PIAS1: variants seen among roughly 807,000 people sequenced by gnomAD.
The protein encoded by PIAS1 is E3 SUMO-protein ligase PIAS1.
A neutral mutation model predicts 71.3 loss-of-function variants in PIAS1; 6 were observed. The observed-to-expected ratio is 0.08, with a 90% CI of 0.05 to 0.17. The LOEUF (loss-of-function observed/expected upper bound fraction) is 0.17, where lower values mean the gene tolerates loss of function less well. Ranked by LOEUF, PIAS1 falls within the 10% of genes least tolerant of loss-of-function variation. The probability of loss-of-function intolerance (pLI) is 1.00; values close to 1 mark genes in which losing one functional copy is unlikely to be tolerated. For missense variants in PIAS1, 555 were observed against 793.6 expected (o/e 0.70, Z 3.61); for synonymous variants, 303 against 292.9 (o/e 1.03, Z -0.35).
At chr15:68,132,746 G>A (rs1174647625) in intron 2 of PIAS1, among the ~76,000 whole-genome samples, 3 of 152,074 alleles carry the variant, frequency 2.0e-5, no homozygotes, top group Admixed American at 6.6e-5. Flanking sequence ...AACAAAAACC[G>A]AAATTATGTA....
chr15:68,068,913 T>TTTTTG (rs2092060970), intron 1 of PIAS1, among the ~76,000 whole-genome samples: 1 of 92,372 alleles, frequency 1.1e-5, no homozygotes, highest in Non-Finnish European at 2.3e-5. Flanking sequence ...TTTTTTTTTT[T>TTTTTG]GAGGTGGAGT....
At chr15:68,099,224 A>G (rs1051587518) in intron 2 of PIAS1, among the ~76,000 whole-genome samples, 2 of 148,126 alleles carry the variant, frequency 1.4e-5, no homozygotes, top group African/African-American at 4.9e-5. Context: ...TACTCTCGTC[A>G]CTCAGGCTGG....
chr15:68,059,000 CTTTTTTT>C (rs35348345), intron 1 of PIAS1, among the ~76,000 whole-genome samples: 2 of 84,920 alleles, frequency 2.4e-5, no homozygotes, highest in South Asian at 4.2e-4. Context: ...GATTATTCTA[CTTTTTTT>C]TTTTTTTTTT....
At chr15:68,060,863 T>C (rs965681894) in intron 1 of PIAS1, among the ~76,000 whole-genome samples, 1 of 152,224 alleles carries the variant, frequency 6.6e-6, no homozygotes, top group Admixed American at 6.5e-5. Flanking sequence ...TTTGTATTTT[T>C]AGTAGAGACA....
chr15:68,158,441 C>G (rs550167873), intron 7 of PIAS1, among the ~76,000 whole-genome samples: 2 of 152,248 alleles, frequency 1.3e-5, no homozygotes, highest in South Asian at 2.1e-4. Flanking sequence ...CCCAGAACCC[C>G]CAAAATTGAT....
chr15:68,055,138 C>G lies in PIAS1; in HGVS notation c.24+788C>G, dbSNP rs568938169. The G allele has an allele frequency of 3.0e-3, 2,778 of 931,842 alleles. 6 individuals carry two copies. The highest frequency in any genetic ancestry group is 3.3e-3 in the Non-Finnish European group (2,564 of 781,080). 57.7% of individuals were successfully genotyped at this position (931,842 alleles called of 1,614,324 possible). A position where few individuals can be genotyped will look rare whatever the true frequency, so the allele number is the denominator to read the frequency against. ...TTGGGAGGGGGGGATGCAGCTACCTCTCTCCCTTCTTTTGCCTTAGCTGGT... is the reference window on the plus strand; with the variant it reads ...TTGGGAGGGGGGGATGCAGCTACCTGTCTCCCTTCTTTTGCCTTAGCTGGT... On this transcript the variant is annotated intron_variant, in intron 1 of 13. Coordinates refer to ENST00000249636, the MANE Select transcript of PIAS1 (RefSeq NM_016166.3).
intron 12 of PIAS1, among the ~76,000 whole-genome samples, chr15:68,182,911 G>A (rs78896617): frequency 0.029 from 4,429 of 152,206 alleles, 242 homozygotes; most frequent in African/African-American, 0.1. Context: ...CTATAGCTGC[G>A]TGTTTTACCT....
intron 1 of PIAS1, among the ~76,000 whole-genome samples, chr15:68,072,439 A>C (rs1438710778): frequency 6.8e-6 from 1 of 147,484 alleles, no homozygotes; most frequent in Non-Finnish European, 1.5e-5. Flanking sequence ...GAGTTATGGG[A>C]AGTTGGGGCC....
At chr15:68,105,180 A>G (rs995172882) in intron 2 of PIAS1, among the ~76,000 whole-genome samples, 21 of 152,308 alleles carry the variant, frequency 1.4e-4, no homozygotes, top group South Asian at 8.3e-4. Flanking sequence ...CACTCAGGAT[A>G]TGAATTGTTA....
chr15:68,170,439 T>C (rs2092984288), intron 8 of PIAS1, among the ~76,000 whole-genome samples: 1 of 152,062 alleles, frequency 6.6e-6, no homozygotes, highest in Non-Finnish European at 1.5e-5. Context: ...GTATAAAAGA[T>C]GAAAAATGGT....
At chr15:68,169,061 T>A (rs781683100) in intron 8 of PIAS1, among the ~76,000 whole-genome samples, 8 of 152,218 alleles carry the variant, frequency 5.3e-5, no homozygotes. Flanking sequence ...TCATAAACGA[T>A]CAGAAGTAGT....
intron 2 of PIAS1, among the ~76,000 whole-genome samples, chr15:68,127,467 A>G (rs1215866482): frequency 1.3e-5 from 2 of 152,150 alleles, no homozygotes; most frequent in African/African-American, 4.8e-5. Flanking sequence ...TATAAATTAG[A>G]TCAGTTCTCC....
At chr15:68,157,774 C>T (rs2092900991) in intron 7 of PIAS1, among the ~76,000 whole-genome samples, 1 of 152,130 alleles carries the variant, frequency 6.6e-6, no homozygotes, top group Admixed American at 6.5e-5. Context: ...CCCCAAAATA[C>T]ATGTCTTCAT....
intron 7 of PIAS1, among the ~76,000 whole-genome samples, chr15:68,161,813 C>A (rs2092926461): frequency 2.0e-5 from 3 of 151,874 alleles, no homozygotes; most frequent in East Asian, 2.0e-4. Flanking sequence ...ACCTCTAATC[C>A]CAGCTACTTG....
At chr15:68,074,087 CTT>C (rs2092130491) in intron 1 of PIAS1, among the ~76,000 whole-genome samples, 2 of 152,142 alleles carry the variant, frequency 1.3e-5, no homozygotes, top group South Asian at 2.1e-4. Flanking sequence ...GTTGATGACT[CTT>C]GGGATATAAG....
chr15:68,086,303 A>G lies in PIAS1; in HGVS notation c.25-3A>G. The G allele has an allele frequency of 1.3e-6, 2 of 1,563,492 alleles. No homozygotes were observed. Among genetic ancestry groups the G allele is most frequent in the South Asian group, 2.3e-5 (2 of 85,696 alleles). ...ATGTTTTACATTTTGTTTTTTCTCT[A>G]AGCAAATGGTTATGAGCCTTAGAGT... is the stretch of plus-strand genomic sequence containing the variant. On this transcript the variant is annotated splice_polypyrimidine_tract_variant and splice_region_variant and intron_variant, in intron 1 of 13. Transcript: ENST00000249636. The surrounding 1 kb of genome is among the most constrained non-coding windows in gnomAD (Gnocchi z 7.2).
In PIAS1 at chr15:68,086,607, T is replaced by C; in HGVS notation, c.326T>C (p.Leu109Pro). ...GGTCACCCTGCATCATCGCCATTAC[T>C]CCCTGTTTCTCTTCTGGGACCTAAA... ...YDGHPASSPL[L>P]PVSLLGPKHE... is the part of the protein sequence containing the mutation. Residue 109 changes from leucine (L) to proline (P), a missense_variant, in exon 2 of 14, where the codon CTC becomes CCC. Physicochemically the swap from Leu to Pro is moderately conservative, Grantham distance 98. Coordinates refer to ENST00000249636, the MANE Select transcript of PIAS1 (RefSeq NM_016166.3). This position sits in a 1 kb window ranked among gnomAD's most constrained non-coding sequence, Gnocchi z 7.2. 1 of 1,613,810 alleles carries C rather than the reference T, an allele frequency of 6.2e-7. No homozygotes were observed. The highest frequency in any genetic ancestry group is 8.5e-7 in the Non-Finnish European group (1 of 1,179,764).
chr15:68,192,406 G>T lies in PIAS1; in HGVS notation c.*4571G>T, dbSNP rs1034819428. Reference sequence around the variant, plus strand: ...TGTATTCTTAAGGCAGCCAAATCTCGTAAACCTCAGACCCCACAAAACATC... The same window carrying T: ...TGTATTCTTAAGGCAGCCAAATCTCTTAAACCTCAGACCCCACAAAACATC... On this transcript the variant is annotated 3_prime_UTR_variant, in exon 14 of 14. Coordinates refer to ENST00000249636, the MANE Select transcript of PIAS1 (RefSeq NM_016166.3). 6.6e-6 allele frequency: 1 copy of T among 152,166 alleles called. No homozygotes were observed. The highest frequency in any genetic ancestry group is 6.6e-5 in the Admixed American group (1 of 15,262). The allele number at this position is 152,166 out of a possible 1,614,324, so 9.4% of individuals were successfully genotyped here. A position where few individuals can be genotyped will look rare whatever the true frequency, so the allele number is the denominator to read the frequency against.
intron 8 of PIAS1, among the ~76,000 whole-genome samples, chr15:68,172,330 T>C (rs1396305206): frequency 1.3e-5 from 2 of 152,100 alleles, no homozygotes; most frequent in African/African-American, 4.8e-5. Context: ...ACATTTGGGG[T>C]GGTTCCAAGT....
Sources: gnomAD v4.1 joint callset for allele counts (sites outside exome capture counted in the v4.1 genomes callset) on GRCh38, gnomAD v4.1.1 for gene constraint, Gnocchi (gnomAD v3.1) non-coding constraint, MANE v1.5 for transcripts, NCBI Gene and HGNC (gene_info 2026-07-23, HGNC 2026-07-21) for gene names.